The following ACO2 variants were observed in gnomAD, a reference collection of about 807,000 sequenced individuals.
The protein encoded by ACO2 is aconitase 2.
Under a neutral mutation model 84.5 loss-of-function variants are expected in ACO2, and 31 were observed. The ratio of observed to expected loss-of-function variants is 0.37; its 90% CI spans 0.28 to 0.50. The LOEUF (loss-of-function observed/expected upper bound fraction) is 0.50, where lower values mean the gene tolerates loss of function less well. Ranked by LOEUF, ACO2 falls within the 20% of genes least tolerant of loss-of-function variation. The probability of loss-of-function intolerance (pLI) is 0.97; values close to 1 mark genes in which losing one functional copy is unlikely to be tolerated. For synonymous variants in ACO2, 414 were observed against 412.7 expected, an observed-to-expected ratio of 1.00 and a Z score of -0.04; for missense variants, 685 against 1,029.3, an observed-to-expected ratio of 0.67 and a Z score of 4.58.
rs1299001101 is a variant in ACO2 at position 41,515,616 on chromosome 22, G to A, written c.684+81G>A. 9.5e-6 allele frequency: 15 copies of A among 1,574,606 alleles called. No individual in the cohort carries two copies. Among genetic ancestry groups the A allele is most frequent in the African/African-American group, 2.7e-5 (2 of 74,308 alleles). ...ATGAACGGGAGACGGTGGGACCCAG[G>A]AGGGAAAAGGGAACAAGTTAGACTC... is the stretch of plus-strand genomic sequence containing the variant. On this transcript the variant is annotated intron_variant, in intron 5 of 17. Transcript: ENST00000216254. The surrounding 1 kb of genome is among the most constrained non-coding windows in gnomAD (Gnocchi z 5.8).
intron 1 of ACO2, 121 bp from the exon 2 acceptor site, chr22:41,499,605 C>A: frequency 9.4e-7 from 1 of 1,060,316 alleles, no homozygotes. Context: ...GCTGAGGCTG[C>A]AGTTACTGAA....
chr22:41,526,967 T>G (rs2066611737), intron 15 of ACO2: 1 of 444,048 alleles, frequency 2.3e-6, no homozygotes, highest in Non-Finnish European at 4.1e-6. Flanking sequence ...ATGCATCTTG[T>G]GTGGGGCCCG....
Position 41,469,193 on chromosome 22 carries a change from T to G in ACO2, c.36+11T>G. Reference sequence around the variant, plus strand: ...GTGACTCGGCTGCAGGTGAGCGAGCTCAGGGACCTCTGGGTTCACGGGGGC... The same window carrying G: ...GTGACTCGGCTGCAGGTGAGCGAGCGCAGGGACCTCTGGGTTCACGGGGGC... On this transcript the variant is annotated intron_variant, in intron 1 of 17. Coordinates refer to ENST00000216254, the MANE Select transcript of ACO2 (RefSeq NM_001098.3). 6.2e-7 allele frequency: 1 copy of G among 1,606,558 alleles called. No homozygotes were observed. Among genetic ancestry groups the G allele is most frequent in the Non-Finnish European group, 8.5e-7 (1 of 1,176,352 alleles).
At position 41,527,472 on chromosome 22, in the gene ACO2, G is replaced by A. The variant is rs535093684; in HGVS notation, c.2086+52G>A. Reference sequence around the variant, plus strand: ...TCCTCATCCCATCCCTAGTGATCAAGGTCACTCTCCCTGCCCGTGGCTGAG... The same window carrying A: ...TCCTCATCCCATCCCTAGTGATCAAAGTCACTCTCCCTGCCCGTGGCTGAG... On this transcript the variant is annotated intron_variant, in intron 16 of 17. Coordinates refer to ENST00000216254, the MANE Select transcript of ACO2 (RefSeq NM_001098.3). 171 of 1,561,064 alleles carry A rather than the reference G, an allele frequency of 1.1e-4. No homozygotes were observed. In the South Asian group the frequency reaches 1.9e-3, roughly 17 times the overall value.
Position 41,528,500 on chromosome 22 carries a change from C to T in ACO2, c.2230C>T (p.His744Tyr), listed in dbSNP as rs1203269282. ...GCAGCCCCTGAAGTGCATCATCAAG[C>T]ACCCCAACGGGACCCAGGAGACCAT... is the stretch of plus-strand genomic sequence containing the variant. Reference protein sequence around the residue: ...PGKPLKCIIKHPNGTQETILL... With the variant: ...PGKPLKCIIKYPNGTQETILL... The change falls in exon 18 of 18, where the codon CAC (histidine) becomes TAC (tyrosine). Residue 744 changes from histidine (H) to tyrosine (Y), a missense_variant. Transcript: ENST00000216254. The T allele has an allele frequency of 6.2e-7, 1 of 1,612,406 alleles. No individual in the cohort carries two copies. Among genetic ancestry groups the T allele is most frequent in the African/African-American group, 1.3e-5 (1 of 75,008 alleles).
At chr22:41,523,184 G>A (rs2066541155) in intron 10 of ACO2, 21 bp from the exon 11 acceptor site, 1 of 1,605,634 alleles carries the variant, frequency 6.2e-7, no homozygotes, top group Non-Finnish European at 8.5e-7. Flanking sequence ...TTGACATTCT[G>A]TCTTCCTCTC....
At chr22:41,526,675 T>G in intron 15 of ACO2, 1 of 506,644 alleles carries the variant, frequency 2.0e-6, no homozygotes, top group South Asian at 3.3e-5. Flanking sequence ...CCAGGAGGAG[T>G]TAGTGAGAGA....
intron 4 of ACO2, 90 bp downstream of exon 4, chr22:41,512,058 G>A (rs1305046491): frequency 1.1e-6 from 1 of 943,632 alleles, no homozygotes; most frequent in East Asian, 3.0e-5. Context: ...AGGCCCAGGG[G>A]GGCTGAGGGG....
At chr22:41,470,980 G>A (rs1021171380) in intron 1 of ACO2, among the ~76,000 whole-genome samples, 2 of 152,210 alleles carry the variant, frequency 1.3e-5, no homozygotes, top group Non-Finnish European at 1.5e-5. Flanking sequence ...GAGAAGAATA[G>A]TATCACACCA....
intron 1 of ACO2, among the ~76,000 whole-genome samples, chr22:41,478,064 CAAA>C (rs929775640): frequency 1.4e-5 from 2 of 145,850 alleles, no homozygotes; most frequent in Admixed American, 1.4e-4. Context: ...GACTCTGTCT[CAAA>C]AAAAAAACCA....
intron 1 of ACO2, among the ~76,000 whole-genome samples, chr22:41,495,888 A>G (rs940620184): frequency 1.3e-5 from 2 of 151,536 alleles, no homozygotes; most frequent in Non-Finnish European, 2.9e-5. Context: ...GGCGTGAGCC[A>G]CCGCGCTCAG....
At chr22:41,508,574 C>T (rs1283926623) in intron 3 of ACO2, among the ~76,000 whole-genome samples, 2 of 152,210 alleles carry the variant, frequency 1.3e-5, no homozygotes, top group African/African-American at 4.8e-5. Flanking sequence ...ATCCTGGCTC[C>T]CACTCTGGTG....
In ACO2 at chr22:41,522,962, G is replaced by A. The variant is rs752600434; in HGVS notation, c.1271G>A (p.Arg424His). Residue 424 changes from arginine (R) to histidine (H), a missense_variant, in exon 10 of 18, where the codon CGC (arginine) becomes CAC (histidine). Arg to His is a conservative substitution (Grantham distance 29). Around this residue, in one of 5 missense-constraint regions of ACO2, gnomAD observed 311 missense variants for 441.6 expected, o/e 0.70. Transcript: ENST00000216254. ...FTITPGSEQI[R>H]ATIERDGYAQ... Reference sequence around the variant, plus strand: ...ATCACTCCAGGTTCCGAGCAGATCCGCGCCACCATTGAGCGGGACGGCTAT... The same window carrying A: ...ATCACTCCAGGTTCCGAGCAGATCCACGCCACCATTGAGCGGGACGGCTAT... The A allele has an allele frequency of 1.1e-5, 18 of 1,614,206 alleles. No individual in the cohort carries two copies. The highest frequency in any genetic ancestry group is 3.3e-5 in the Admixed American group (2 of 60,032).
chr22:41,506,234 C>T (rs536324920), intron 2 of ACO2, among the ~76,000 whole-genome samples: 12 of 151,864 alleles, frequency 7.9e-5, no homozygotes, highest in Admixed American at 2.6e-4. Flanking sequence ...ACTACAGGCA[C>T]GCATCACCCT....
intron 1 of ACO2, among the ~76,000 whole-genome samples, chr22:41,485,467 G>A (rs989717287): frequency 3.8e-4 from 45 of 119,448 alleles, no homozygotes; most frequent in African/African-American, 1.5e-3. Context: ...TTGAGACGGA[G>A]TCTCGCTCTG....
At chr22:41,528,325 C>T in intron 17 of ACO2, 154 bp from the exon 18 acceptor site, 1 of 1,144,336 alleles carries the variant, frequency 8.7e-7, no homozygotes, top group Non-Finnish European at 1.2e-6. Flanking sequence ...CCACCTGGGT[C>T]TGACCTGGGC....
chr22:41,526,661 T>C, intron 15 of ACO2: 1 of 520,500 alleles, frequency 1.9e-6, no homozygotes, highest in African/African-American at 1.9e-5. Flanking sequence ...GCCGGGTCCC[T>C]GCACCAGGAG....
At chr22:41,516,027 A>T (rs779784760) in intron 6 of ACO2, 110 bp downstream of exon 6, 1 of 1,427,508 alleles carries the variant, frequency 7.0e-7, no homozygotes, top group East Asian at 2.5e-5. Flanking sequence ...TGTCTGTTCC[A>T]TTTGGGGACT....
intron 1 of ACO2, among the ~76,000 whole-genome samples, chr22:41,474,344 G>T (rs1302829718): frequency 1.4e-5 from 2 of 146,820 alleles, no homozygotes; most frequent in African/African-American, 5.1e-5. Context: ...CCCAGGCTGG[G>T]GTGCAGTGGC....
Sources: allele counts gnomAD v4.1 joint callset (sites outside exome capture counted in the v4.1 genomes callset), GRCh38; gene constraint gnomAD v4.1.1; regional missense constraint gnomAD v4.1.1; non-coding constraint Gnocchi (gnomAD v3.1); transcripts MANE v1.5; gene names NCBI Gene and HGNC (gene_info 2026-07-23, HGNC 2026-07-21).